Variants in GRHL1 observed in about 807,000 individuals in gnomAD.
GRHL1 encodes the protein grainyhead-like protein 1 homolog.
GRHL1 carries 38 observed loss-of-function variants against 75.7 expected under a neutral mutation model. That is an observed-to-expected ratio of 0.50 (90% CI 0.39 to 0.66). The LOEUF (loss-of-function observed/expected upper bound fraction) is 0.66, where lower values mean the gene tolerates loss of function less well. Ranked by LOEUF, GRHL1 falls within the 30% of genes least tolerant of loss-of-function variation. The pLI is 0.00. For missense variants in GRHL1, 589 were observed against 767.5 expected, an observed-to-expected ratio of 0.77 and a Z score of 2.75; for synonymous variants, 266 against 279.4, an observed-to-expected ratio of 0.95 and a Z score of 0.48.
intron 8 of GRHL1, among the ~76,000 whole-genome samples, chr2:9,981,500 G>A (rs527245108): frequency 9.8e-5 from 15 of 152,350 alleles, no homozygotes; most frequent in African/African-American, 2.6e-4. Context: ...GCTCTGAGGC[G>A]CGGGCCAGCT....
chr2:9,955,214 C>G, intron 2 of GRHL1, 113 bp downstream of exon 2: 1 of 673,856 alleles, frequency 1.5e-6, no homozygotes. Flanking sequence ...TCTGTAGTGA[C>G]TATAAATAGT....
chr2:9,957,003 T>TTC (rs1491563123), intron 2 of GRHL1, among the ~76,000 whole-genome samples: 7 of 87,360 alleles, frequency 8.0e-5, no homozygotes, highest in Non-Finnish European at 1.8e-4. Flanking sequence ...CTTCTTCTTC[T>TTC]TTTTTTTTTT....
At chr2:9,973,337 G>A (rs981415089) in intron 8 of GRHL1, among the ~76,000 whole-genome samples, 5 of 152,114 alleles carry the variant, frequency 3.3e-5, no homozygotes, top group East Asian at 1.9e-4. Flanking sequence ...AATGGAGCCC[G>A]CACACATGGA....
chr2:9,981,716 C>T (rs1223086422), intron 8 of GRHL1, among the ~76,000 whole-genome samples: 1 of 152,178 alleles, frequency 6.6e-6, no homozygotes, highest in Non-Finnish European at 1.5e-5. Context: ...TTTATTTATT[C>T]TTAGCTATAC....
In GRHL1 at chr2:9,968,176, C is replaced by A. The variant is rs1405864170; in HGVS notation, c.1110+2795C>A. 1.3e-5 allele frequency among the ~76,000 whole-genome samples: 2 copies of A among 152,194 alleles called. No individual in the cohort carries two copies. Among genetic ancestry groups the A allele is most frequent in the African/African-American group, 2.4e-5 (1 of 41,442 alleles). ...AATTGTGAATGCTTTGGCTTACATT[C>A]CACTTTGGGAAAAACACTGACGAAG... On this transcript the variant is annotated intron_variant, in intron 8 of 15. Coordinates refer to ENST00000324907, the MANE Select transcript of GRHL1 (RefSeq NM_198182.3). The surrounding 1 kb of genome is among the most constrained non-coding windows in gnomAD (Gnocchi z 4.7).
In GRHL1 at chr2:10,000,746, G is replaced by C; in HGVS notation, c.*39G>C. The C allele has an allele frequency of 8.7e-7, 1 of 1,151,834 alleles. No homozygotes were observed. The highest frequency in any genetic ancestry group is 1.3e-6 in the Non-Finnish European group (1 of 762,734). The allele number at this position is 1,151,834 out of a possible 1,614,324, so 71.4% of individuals were successfully genotyped here. ...ACAGCTCCCCAGGAGTTCAGTGCAG[G>C]TGTTTCTAGATCTTACGGTTTGGCA... On this transcript the variant is annotated 3_prime_UTR_variant, in exon 16 of 16. Coordinates refer to ENST00000324907, the MANE Select transcript of GRHL1 (RefSeq NM_198182.3).
At chr2:9,988,989 G>C (rs16867275) in intron 9 of GRHL1, among the ~76,000 whole-genome samples, 3,996 of 152,088 alleles carry the variant, frequency 0.026, 175 homozygotes, top group African/African-American at 0.091. Flanking sequence ...ATGAAGTTAT[G>C]GTTAGACTTG....
chr2:9,964,062 C>T lies in GRHL1; in HGVS notation c.903+20C>T. On this transcript the variant is annotated intron_variant, in intron 6 of 15. Transcript: ENST00000324907. ...GTTCGAGTAAGTTCTGCTCTTAGTC[C>T]TGTTCTCTAGGAAAGCTAGTCAGAG... 6.2e-7 allele frequency: 1 copy of T among 1,606,730 alleles called. No individual in the cohort carries two copies. Among genetic ancestry groups the T allele is most frequent in the South Asian group, 1.1e-5 (1 of 90,380 alleles).
At position 9,962,520 on chromosome 2, in the gene GRHL1, C is replaced by G. The variant is rs775173614; in HGVS notation, c.735C>G (p.Asp245Glu). ...TGAATTCAGAGGACTATGTTTTTGA[C>G]AGTGTTTCTGGGTAATAGATGTCTT... The part of the protein sequence containing the change: ...PGMNSEDYVF[D>E]SVSGNNFEYT... Residue 245 changes from aspartate to glutamate, a missense_variant, in exon 5 of 16, where the codon GAC becomes GAG. This residue lies in a region of GRHL1 where 362 missense variants were observed against 461.8 expected (regional missense o/e 0.78). Coordinates refer to ENST00000324907, the MANE Select transcript of GRHL1 (RefSeq NM_198182.3). The G allele has an allele frequency of 6.4e-7, 1 of 1,562,462 alleles. No individual in the cohort carries two copies. The highest frequency in any genetic ancestry group is 8.8e-7 in the Non-Finnish European group (1 of 1,132,870).
chr2:10,000,628 A>T lies in GRHL1; in HGVS notation c.1778A>T (p.His593Leu). The change falls in exon 16 of 16, where the codon CAT becomes CTT. Residue 593 changes from histidine to leucine, a missense_variant. This residue lies in a region of GRHL1 where 192 missense variants were observed against 226.6 expected (regional missense o/e 0.85). Transcript: ENST00000324907. ...AACATGGACGACAACATTGTGAAGC[A>T]TTACTCCAATGAGGACACCTTCCAG... The part of the protein sequence containing the change: ...LVNMDDNIVK[H>L]YSNEDTFQLQ... 6.2e-7 allele frequency: 1 copy of T among 1,613,408 alleles called. No individual in the cohort carries two copies. The highest frequency in any genetic ancestry group is 8.5e-7 in the Non-Finnish European group (1 of 1,179,452).
chr2:9,961,442 G>T lies in GRHL1; in HGVS notation c.669+6G>T. On this transcript the variant is annotated splice_donor_region_variant and intron_variant, in intron 4 of 15. Coordinates refer to ENST00000324907, the MANE Select transcript of GRHL1 (RefSeq NM_198182.3). ...TCAAGGAAGGCGTTCAGGAGGTAAGGAAACAAAAACATCTTCCTAAGACGC... is the reference window on the plus strand; with the variant it reads ...TCAAGGAAGGCGTTCAGGAGGTAAGTAAACAAAAACATCTTCCTAAGACGC... 2 of 1,592,864 alleles carry T rather than the reference G, an allele frequency of 1.3e-6. No homozygotes were observed. Among genetic ancestry groups the T allele is most frequent in the South Asian group, 1.1e-5 (1 of 89,942 alleles).
At chr2:9,954,466 C>T (rs1377395081) in intron 1 of GRHL1, among the ~76,000 whole-genome samples, 1 of 152,156 alleles carries the variant, frequency 6.6e-6, no homozygotes, top group Admixed American at 6.5e-5. Context: ...TAAGGCATGG[C>T]AGCCACAGTA....
intron 2 of GRHL1, among the ~76,000 whole-genome samples, chr2:9,955,411 T>C (rs985015366): frequency 6.6e-5 from 10 of 152,198 alleles, no homozygotes; most frequent in Non-Finnish European, 4.4e-5. Context: ...TGGTTCTTAG[T>C]GCCATGGAAA....
intron 12 of GRHL1, among the ~76,000 whole-genome samples, chr2:9,995,596 A>AC (rs1668827343): frequency 6.9e-6 from 1 of 145,738 alleles, no homozygotes; most frequent in East Asian, 2.0e-4. Flanking sequence ...CAAAAAAAAA[A>AC]AAAAACCAAA....
intron 9 of GRHL1, among the ~76,000 whole-genome samples, chr2:9,988,492 T>C (rs947138283): frequency 2.0e-5 from 3 of 152,168 alleles, no homozygotes; most frequent in Admixed American, 2.0e-4. Context: ...CTTGGGCAGC[T>C]TCCTGGTACC....
rs1290404936 is a variant in GRHL1 at position 9,998,682 on chromosome 2, A to G, written c.1678-283A>G. On this transcript the variant is annotated intron_variant, in intron 14 of 15. Coordinates refer to ENST00000324907, the MANE Select transcript of GRHL1 (RefSeq NM_198182.3). ...CATATATATGTACACATATATATAC[A>G]TATATATGTACACACATATATATAC... Among the ~76,000 whole-genome samples, 206 of 73,828 alleles carry G rather than the reference A, an allele frequency of 2.8e-3. 43 individuals carry two copies. The highest frequency in any genetic ancestry group is 8.5e-3 in the Middle Eastern group (1 of 118). 48.4% of individuals were successfully genotyped at this position (73,828 alleles called of 152,430 possible). A position where few individuals can be genotyped will look rare whatever the true frequency, so the allele number is the denominator to read the frequency against.
At position 9,983,789 on chromosome 2, in the gene GRHL1, T is replaced by A. The variant is rs115172111; in HGVS notation, c.1111-2335T>A. Among the ~76,000 whole-genome samples the A allele has an allele frequency of 7.4e-3, 1,128 of 151,412 alleles. 12 individuals are homozygous for A. Among genetic ancestry groups the A allele is most frequent in the African/African-American group, 0.026 (1,075 of 41,152 alleles). ...TGTTTGCATGGACTTTTTTTTTTTT[T>A]AAACCTGAATGCATTCCACAGACTC... On this transcript the variant is annotated intron_variant, in intron 8 of 15. Coordinates refer to ENST00000324907, the MANE Select transcript of GRHL1 (RefSeq NM_198182.3).
Position 9,996,331 on chromosome 2 carries a change from G to T in GRHL1, c.1607G>T (p.Arg536Leu), listed in dbSNP as rs370191500. 2 of 1,611,806 alleles carry T rather than the reference G, an allele frequency of 1.2e-6. No homozygotes were observed. Among genetic ancestry groups the T allele is most frequent in the Admixed American group, 1.7e-5 (1 of 59,982 alleles). Reference protein sequence around the residue: ...EEPKRVLLYVRKESEEVFDAL... With the variant: ...EEPKRVLLYVLKESEEVFDAL... ...GATTGATTAGTGCTGCTCTACGTTCGAAAGGAGTCAGAAGAAGTCTTTGAT... is the reference window on the plus strand; with the variant it reads ...GATTGATTAGTGCTGCTCTACGTTCTAAAGGAGTCAGAAGAAGTCTTTGAT... Residue 536 changes from arginine (R) to leucine (L), a missense_variant, in exon 14 of 16, where the codon CGA becomes CTA. By Grantham distance (102) the Arg-to-Leu change is moderately radical. This residue lies in a region of GRHL1 where 192 missense variants were observed against 226.6 expected (regional missense o/e 0.85). Coordinates refer to ENST00000324907, the MANE Select transcript of GRHL1 (RefSeq NM_198182.3).
In GRHL1 at chr2:9,963,317, C is replaced by T. The variant is rs139414802; in HGVS notation, c.747-569C>T. On this transcript the variant is annotated intron_variant, in intron 5 of 15. Coordinates refer to ENST00000324907, the MANE Select transcript of GRHL1 (RefSeq NM_198182.3). ...AAAGCAGCCATAGGTAATGTGTAAA[C>T]AAATGATGTGGCTATGTGCTAATAA... Among the ~76,000 whole-genome samples the T allele has an allele frequency of 3.3e-5, 5 of 152,280 alleles. No homozygotes were observed. The East Asian group carries it at 9.6e-4, about 29-fold the overall frequency.
Sources: gnomAD v4.1 joint callset for allele counts (sites outside exome capture counted in the v4.1 genomes callset) on GRCh38, gnomAD v4.1.1 for gene constraint, gnomAD v4.1.1 regional missense constraint, Gnocchi (gnomAD v3.1) non-coding constraint, MANE v1.5 for transcripts, NCBI Gene and HGNC (gene_info 2026-07-23, HGNC 2026-07-21) for gene names.